Variants in GPR83 observed in about 807,000 individuals in gnomAD.
GPR83 encodes the protein G-protein coupled receptor 72.
Under a neutral mutation model 28.0 loss-of-function variants are expected in GPR83, and 23 were observed. That is an observed-to-expected ratio of 0.82 (90% confidence interval 0.59 to 1.16). GPR83 has a LOEUF of 1.16. Ranked by LOEUF, GPR83 falls within the 50% of genes most tolerant of loss-of-function variation. The probability of loss-of-function intolerance (pLI) is 0.00; values close to 1 mark genes in which losing one functional copy is unlikely to be tolerated. For missense variants in GPR83, 610 were observed against 536.6 expected, an observed-to-expected ratio of 1.14 and a Z score of -1.35; for synonymous variants, 234 against 215.4, an observed-to-expected ratio of 1.09 and a Z score of -0.76.
At chr11:94,387,346 A>G (rs1467849167) in intron 3 of GPR83, among the ~76,000 whole-genome samples, 2 of 152,232 alleles carry the variant, frequency 1.3e-5, no homozygotes, top group Non-Finnish European at 2.9e-5. Context: ...ACTGAAGGAG[A>G]TAGAGACACA....
intron 3 of GPR83, among the ~76,000 whole-genome samples, chr11:94,390,943 T>A (rs968376217): frequency 3.3e-5 from 5 of 152,166 alleles, no homozygotes; most frequent in African/African-American, 9.7e-5. Flanking sequence ...AAGCTACCAC[T>A]GAGTTTCTTC....
intron 3 of GPR83, among the ~76,000 whole-genome samples, chr11:94,392,642 C>T (rs560153480): frequency 2.1e-4 from 32 of 151,974 alleles, no homozygotes; most frequent in Non-Finnish European, 3.7e-4. Context: ...CTGGCCAATA[C>T]GGTGAAACCC....
At chr11:94,381,224 C>G (rs1251218607) in intron 3 of GPR83, among the ~76,000 whole-genome samples, 1 of 152,104 alleles carries the variant, frequency 6.6e-6, no homozygotes, top group Admixed American at 6.5e-5. Flanking sequence ...AACTAACATC[C>G]CTTCAGCCAC....
chr11:94,389,774 G>A (rs1197702129), intron 3 of GPR83, among the ~76,000 whole-genome samples: 1 of 152,146 alleles, frequency 6.6e-6, no homozygotes, highest in Non-Finnish European at 1.5e-5. Context: ...ATTCCTCAGG[G>A]ATCTAGAACT....
intron 1 of GPR83, among the ~76,000 whole-genome samples, chr11:94,399,881 C>T (rs675478): frequency 0.39 from 59,629 of 151,984 alleles, 11,882 homozygotes; most frequent in South Asian, 0.51. Flanking sequence ...CCGGTCACAG[C>T]GGGACACCAC....
At chr11:94,394,133 G>C (rs990771383) in intron 2 of GPR83, among the ~76,000 whole-genome samples, 1 of 152,192 alleles carries the variant, frequency 6.6e-6, no homozygotes, top group African/African-American at 2.4e-5. Flanking sequence ...CCACGGCAAG[G>C]CTGGGAGAGG....
At chr11:94,400,763 C>T in intron 1 of GPR83, 98 bp downstream of exon 1, 1 of 1,086,508 alleles carries the variant, frequency 9.2e-7, no homozygotes, top group Non-Finnish European at 1.4e-6. Context: ...AAGTGGGGAC[C>T]CACAGGGAGA....
rs117140384 is a variant in GPR83, at chr11:94,381,712, A to G, written c.648-939T>C. Among the ~76,000 whole-genome samples the G allele has an allele frequency of 9.1e-3, 1,392 of 152,202 alleles. 12 individuals are homozygous for G. The highest frequency in any genetic ancestry group is 0.024 in the Middle Eastern group (7 of 294). On this transcript the variant is annotated intron_variant, in intron 3 of 3. Coordinates refer to ENST00000243673, the MANE Select transcript of GPR83 (RefSeq NM_016540.4). ...TCTTCTAGGTGCCTAGGACTCCCCTAAGGCCACTCAAGGCCCTTCCCACGA... is the reference window on the plus strand; with the variant it reads ...TCTTCTAGGTGCCTAGGACTCCCCTGAGGCCACTCAAGGCCCTTCCCACGA...
intron 3 of GPR83, among the ~76,000 whole-genome samples, chr11:94,391,027 G>A (rs1292120957): frequency 2.6e-5 from 4 of 152,238 alleles, no homozygotes; most frequent in Non-Finnish European, 5.9e-5. Flanking sequence ...ACATTCCTGG[G>A]CAAGAAGAAC....
At chr11:94,391,263 C>T (rs1463467538) in intron 3 of GPR83, among the ~76,000 whole-genome samples, 3 of 152,084 alleles carry the variant, frequency 2.0e-5, no homozygotes, top group Non-Finnish European at 4.4e-5. Context: ...GAAAAACTGG[C>T]TAGCCATATG....
At chr11:94,387,090 T>C (rs978132513) in intron 3 of GPR83, among the ~76,000 whole-genome samples, 3 of 152,030 alleles carry the variant, frequency 2.0e-5, no homozygotes, top group Non-Finnish European at 4.4e-5. Context: ...GGGTACATAA[T>C]GAAATGAAGG....
chr11:94,393,315 G>A (rs1454028206), intron 3 of GPR83, among the ~76,000 whole-genome samples, 170 bp downstream of exon 3: 3 of 152,178 alleles, frequency 2.0e-5, no homozygotes, highest in African/African-American at 7.2e-5. Context: ...TAGAGGACAG[G>A]CATGGACAAG....
At chr11:94,394,916 A>G (rs528497653) in intron 2 of GPR83, among the ~76,000 whole-genome samples, 53 of 152,336 alleles carry the variant, frequency 3.5e-4, no homozygotes, top group Middle Eastern at 3.4e-3. Flanking sequence ...CCCATGGTCA[A>G]TGCTCAGTTG....
intron 3 of GPR83, among the ~76,000 whole-genome samples, chr11:94,384,467 T>G (rs1286709786): frequency 6.6e-6 from 1 of 152,150 alleles, no homozygotes; most frequent in Non-Finnish European, 1.5e-5. Flanking sequence ...CGGGTTCATC[T>G]CACTGGGGAT....
At position 94,401,066 on chromosome 11, in the gene GPR83, T is replaced by C; in HGVS notation, c.182A>G (p.Tyr61Cys). Residue 61 changes from tyrosine to cysteine, a missense_variant, in exon 1 of 4, where the codon TAC (tyrosine) becomes TGC (cysteine). Physicochemically the swap from Tyr to Cys is radical, Grantham distance 194. Transcript: ENST00000243673. ...CGTGGGGTTCTGGGACTCAGCGCCG[T>C]AGCGCCTCCTGCCCACAAAGTTCTG... ...DWQNFVGRRRYGAESQNPTVK... is the reference protein window; with the variant it reads ...DWQNFVGRRRCGAESQNPTVK... 6.2e-7 allele frequency: 1 copy of C among 1,614,204 alleles called. No homozygotes were observed. Among genetic ancestry groups the C allele is most frequent in the Non-Finnish European group, 8.5e-7 (1 of 1,180,004 alleles).
At position 94,379,062 on chromosome 11, in the gene GPR83, A is replaced by C. The variant is rs1308214862; in HGVS notation, c.*1087T>G. The C allele has an allele frequency of 6.6e-6, 1 of 152,090 alleles. No individual in the cohort carries two copies. The highest frequency in any genetic ancestry group is 2.4e-5 in the African/African-American group (1 of 41,398). 9.4% of individuals were successfully genotyped at this position (152,090 alleles called of 1,614,324 possible). Reference sequence around the variant, plus strand: ...CTGTTTCTGTTAATCATTACAATCTAAATGAAAAAGTATAAATGAAAAAAA... The same window carrying C: ...CTGTTTCTGTTAATCATTACAATCTCAATGAAAAAGTATAAATGAAAAAAA... On this transcript the variant is annotated 3_prime_UTR_variant, in exon 4 of 4. Coordinates refer to ENST00000243673, the MANE Select transcript of GPR83 (RefSeq NM_016540.4).
At chr11:94,395,957 C>T (rs1297416295) in intron 2 of GPR83, among the ~76,000 whole-genome samples, 3 of 152,236 alleles carry the variant, frequency 2.0e-5, no homozygotes, top group South Asian at 2.1e-4. Context: ...TGGTGGCTCA[C>T]GTCTGTAATT....
chr11:94,394,242 C>T (rs1165481352), intron 2 of GPR83, among the ~76,000 whole-genome samples: 1 of 152,154 alleles, frequency 6.6e-6, no homozygotes, highest in African/African-American at 2.4e-5. Context: ...AGGGTCTGAG[C>T]TGACAGACAG....
intron 3 of GPR83, among the ~76,000 whole-genome samples, chr11:94,388,014 T>G (rs1345291069): frequency 6.6e-6 from 1 of 152,148 alleles, no homozygotes; most frequent in Non-Finnish European, 1.5e-5. Context: ...GCAAGGCTGG[T>G]TCAACATATA....
Sources: allele counts gnomAD v4.1 joint callset (sites outside exome capture counted in the v4.1 genomes callset), GRCh38; gene constraint gnomAD v4.1.1; transcripts MANE v1.5; gene names NCBI Gene and HGNC (gene_info 2026-07-23, HGNC 2026-07-21).